The following GRM8 variants were observed in gnomAD, a reference collection of about 807,000 sequenced individuals.
GRM8 encodes glutamate metabotropic receptor 8.
GRM8 carries 47 observed loss-of-function variants against 87.2 expected under a neutral mutation model. The ratio of observed to expected loss-of-function variants is 0.54; its 90% CI spans 0.43 to 0.69. GRM8 has a LOEUF of 0.69. GRM8 is among the 30% of genes least tolerant of loss of function. The pLI is 0.00. For missense variants in GRM8, 1,019 were observed against 1,139.2 expected (o/e 0.89, Z 1.52); for synonymous variants, 396 against 404.5 (o/e 0.98, Z 0.25).
intron 3 of GRM8, among the ~76,000 whole-genome samples, chr7:127,077,358 C>T (rs183107528): frequency 7.4e-4 from 112 of 152,312 alleles, no homozygotes; most frequent in African/African-American, 2.6e-3. Context: ...GAAATTTAAA[C>T]TGTATTCCCC....
intron 6 of GRM8, among the ~76,000 whole-genome samples, chr7:126,887,064 C>T (rs757284572): frequency 4.6e-5 from 7 of 151,906 alleles, no homozygotes; most frequent in Non-Finnish European, 8.8e-5. Flanking sequence ...ATCTGGGTGT[C>T]TCAAAAAGGA....
chr7:127,141,888 C>T (rs1416203107), intron 2 of GRM8, among the ~76,000 whole-genome samples: 5 of 152,094 alleles, frequency 3.3e-5, no homozygotes, highest in African/African-American at 1.2e-4. Context: ...CCTGGGGCTT[C>T]ACAAAAATAG....
chr7:126,637,583 T>C (rs1801990056), intron 7 of GRM8, among the ~76,000 whole-genome samples: 1 of 152,198 alleles, frequency 6.6e-6, no homozygotes, highest in Non-Finnish European at 1.5e-5. Context: ...TGTTGAAAGA[T>C]ACTTATTTCT....
At chr7:127,172,413 T>C (rs895286569) in intron 2 of GRM8, among the ~76,000 whole-genome samples, 2 of 152,150 alleles carry the variant, frequency 1.3e-5, no homozygotes, top group African/African-American at 4.8e-5. Flanking sequence ...GTAAAAAATT[T>C]CCACAATTTG....
intron 9 of GRM8, among the ~76,000 whole-genome samples, chr7:126,496,698 A>G (rs908952107): frequency 5.3e-5 from 8 of 152,006 alleles, no homozygotes; most frequent in African/African-American, 1.7e-4. Context: ...TTATCACTCA[A>G]TAACTCGGTG....
At chr7:127,018,079 G>A (rs368820078) in intron 3 of GRM8, among the ~76,000 whole-genome samples, 2 of 151,882 alleles carry the variant, frequency 1.3e-5, no homozygotes, top group African/African-American at 2.4e-5. Flanking sequence ...GCCTAGTGAA[G>A]AACAGAGCAA....
intron 6 of GRM8, among the ~76,000 whole-genome samples, chr7:126,831,074 A>G (rs1563229528): frequency 1.3e-5 from 2 of 152,170 alleles, no homozygotes; most frequent in Non-Finnish European, 1.5e-5. Context: ...GTTTTGTCTC[A>G]GAGGAGTACC....
chr7:126,782,224 G>C (rs1820152805), intron 6 of GRM8, among the ~76,000 whole-genome samples: 1 of 152,106 alleles, frequency 6.6e-6, no homozygotes, highest in South Asian at 2.1e-4. Context: ...TATTAATCTG[G>C]AGTGAAGTAA....
chr7:126,800,015 A>G (rs780297095), intron 6 of GRM8, among the ~76,000 whole-genome samples: 11 of 152,182 alleles, frequency 7.2e-5, no homozygotes, highest in Non-Finnish European at 1.2e-4. Context: ...TAGTTAGAAT[A>G]GGAATAATCA....
rs914818114 is a variant in GRM8, at chr7:126,678,305, G to A, written c.1358-68807C>T. Among the ~76,000 whole-genome samples the A allele has an allele frequency of 2.6e-5, 4 of 152,242 alleles. No homozygotes were observed. The South Asian group carries it at 8.3e-4, about 32-fold the overall frequency. On this transcript the variant is annotated intron_variant, in intron 7 of 10. Transcript: ENST00000339582. The stretch of plus-strand genomic sequence containing the variant: ...GTTTATGTTTAATAGTTGATAAGTA[G>A]ATATAGACTAGTGTTCTTGATTCAA...
intron 3 of GRM8, among the ~76,000 whole-genome samples, chr7:127,046,288 C>T (rs1818916117): frequency 1.3e-5 from 2 of 151,952 alleles, no homozygotes; most frequent in Non-Finnish European, 2.9e-5. Context: ...AGGAGAATGG[C>T]GTGAACCCGG....
intron 7 of GRM8, among the ~76,000 whole-genome samples, chr7:126,645,274 T>C (rs963405840): frequency 6.6e-6 from 1 of 152,212 alleles, no homozygotes; most frequent in Non-Finnish European, 1.5e-5. Context: ...CTCTGACTTC[T>C]CCAATTGCTC....
chr7:127,010,858 C>G (rs1814816237), intron 3 of GRM8, among the ~76,000 whole-genome samples: 1 of 151,878 alleles, frequency 6.6e-6, no homozygotes, highest in Non-Finnish European at 1.5e-5. Flanking sequence ...ATATGATATT[C>G]AAAGCCACTT....
intron 7 of GRM8, among the ~76,000 whole-genome samples, chr7:126,724,915 T>C (rs917231756): frequency 1.3e-5 from 2 of 152,194 alleles, no homozygotes; most frequent in Non-Finnish European, 1.5e-5. Context: ...GTTACTTGAA[T>C]GGATGCACAT....
intron 3 of GRM8, among the ~76,000 whole-genome samples, chr7:127,019,789 C>G (rs1046840076): frequency 5.3e-5 from 8 of 152,034 alleles, no homozygotes; most frequent in Non-Finnish European, 1.2e-4. Flanking sequence ...TTACCCAAAG[C>G]AAGTCACCCA....
At chr7:126,577,672 G>T (rs6946312) in intron 8 of GRM8, among the ~76,000 whole-genome samples, 1,843 of 152,038 alleles carry the variant, frequency 0.012, 36 homozygotes, top group African/African-American at 0.042. Context: ...AAACTAATTC[G>T]AAAGCAACTT....
At chr7:126,740,184 C>A (rs1425295892) in intron 7 of GRM8, among the ~76,000 whole-genome samples, 1 of 152,040 alleles carries the variant, frequency 6.6e-6, no homozygotes, top group African/African-American at 2.4e-5. Context: ...ATAAAAGCAA[C>A]CAGTCACACA....
chr7:127,086,099 A>ATTGTT (rs1405326932), intron 3 of GRM8, among the ~76,000 whole-genome samples: 1 of 151,958 alleles, frequency 6.6e-6, no homozygotes, highest in Non-Finnish European at 1.5e-5. Context: ...TTTGTTTTTG[A>ATTGTT]TTGTTTTGTT....
chr7:127,230,851 T>C (rs935209044), intron 2 of GRM8, among the ~76,000 whole-genome samples: 4 of 152,148 alleles, frequency 2.6e-5, no homozygotes, highest in African/African-American at 9.7e-5. Context: ...AGCCACCCAG[T>C]CTAAGGTATT....
Sources: gnomAD v4.1 joint callset for allele counts (sites outside exome capture counted in the v4.1 genomes callset) on GRCh38, gnomAD v4.1.1 for gene constraint, MANE v1.5 for transcripts, NCBI Gene and HGNC (gene_info 2026-07-23, HGNC 2026-07-21) for gene names.